Variants in CCDC180 observed in about 807,000 individuals in gnomAD.
CCDC180 encodes coiled-coil domain-containing protein 180.
CCDC180 carries 154 observed loss-of-function variants against 209.2 expected under a neutral mutation model. The ratio of observed to expected loss-of-function variants is 0.74; its 90% CI spans 0.65 to 0.84. The LOEUF (loss-of-function observed/expected upper bound fraction) is 0.84. Ranked by LOEUF, CCDC180 falls within the 40% of genes least tolerant of loss-of-function variation. The pLI is 0.00. For missense variants in CCDC180, 1,874 were observed against 1,997.3 expected (o/e 0.94, Z 1.18); for synonymous variants, 778 against 749.1 (o/e 1.04, Z -0.63).
At chr9:97,334,841 A>G (rs912186498) in intron 18 of CCDC180, among the ~76,000 whole-genome samples, 21 of 152,150 alleles carry the variant, frequency 1.4e-4, no homozygotes, top group Admixed American at 2.6e-4. Flanking sequence ...CAAAGGGTAG[A>G]ATTATGTACA....
Position 97,333,854 on chromosome 9 carries a change from T to G in CCDC180, c.2274+3087T>G, listed in dbSNP as rs1825825191. Among the ~76,000 whole-genome samples the G allele has an allele frequency of 3.9e-5, 6 of 151,982 alleles. No individual in the cohort carries two copies. In the South Asian group the frequency reaches 1.0e-3, roughly 26 times the overall value. ...TTTTTTTTTTGAGATGGAGTCTCAC[T>G]CTGTCACTCAGGCTGGAGTGCAGAG... On this transcript the variant is annotated intron_variant, in intron 18 of 36. Coordinates refer to ENST00000529487, the MANE Select transcript of CCDC180 (RefSeq NM_020893.6).
intron 18 of CCDC180, among the ~76,000 whole-genome samples, chr9:97,341,467 T>G (rs1826077379): frequency 1.3e-5 from 2 of 152,088 alleles, no homozygotes; most frequent in Admixed American, 6.5e-5. Flanking sequence ...TTGCTGGAGG[T>G]CCACTCCAGA....
chr9:97,374,720 G>C, intron 35 of CCDC180, 72 bp downstream of exon 35: 1 of 1,258,188 alleles, frequency 7.9e-7, no homozygotes, highest in Non-Finnish European at 1.1e-6. Flanking sequence ...GTAATGGTTA[G>C]GGGCTTGGAC....
intron 36 of CCDC180, chr9:97,375,872 G>A (rs987407824): frequency 9.4e-6 from 4 of 423,904 alleles, no homozygotes; most frequent in Non-Finnish European, 1.7e-5. Context: ...GCACAGTAGT[G>A]TCACAGCTAG....
chr9:97,341,162 C>T (rs979494326), intron 18 of CCDC180, among the ~76,000 whole-genome samples: 3 of 152,204 alleles, frequency 2.0e-5, no homozygotes, highest in African/African-American at 7.2e-5. Flanking sequence ...GGAGATGACT[C>T]ACACTCTTTA....
At chr9:97,356,875 A>G (rs573736597) in intron 24 of CCDC180, among the ~76,000 whole-genome samples, 17 of 152,340 alleles carry the variant, frequency 1.1e-4, no homozygotes, top group African/African-American at 3.4e-4. Context: ...TAAGATTTCA[A>G]TTTATTTTTT....
intron 35 of CCDC180, among the ~76,000 whole-genome samples, chr9:97,375,092 A>G (rs758226447): frequency 7.9e-5 from 12 of 152,188 alleles, no homozygotes; most frequent in South Asian, 4.1e-4. Context: ...TTGCCCAGCT[A>G]TGTTCTCAGA....
At chr9:97,334,857 G>A (rs556650301) in intron 18 of CCDC180, among the ~76,000 whole-genome samples, 24 of 151,972 alleles carry the variant, frequency 1.6e-4, no homozygotes, top group African/African-American at 3.9e-4. Context: ...GTACACCTCC[G>A]AAGCAACTCT....
At chr9:97,373,231 T>G (rs1219295452) in intron 34 of CCDC180, 1 of 152,232 alleles carries the variant, frequency 6.6e-6, no homozygotes, top group African/African-American at 2.4e-5. Flanking sequence ...TGCATATTAC[T>G]TTTATAAATA....
rs904106227 is a variant in CCDC180, at chr9:97,345,571, T to A, written c.2499-1743T>A. On this transcript the variant is annotated intron_variant, in intron 19 of 36. Transcript: ENST00000529487. ...TCTGGTCGATTTTCTGTCTTTTTTT[T>A]ATTAATTTATGGGAATTAATTATAT... is the stretch of plus-strand genomic sequence containing the variant. 1.1e-4 allele frequency: 48 copies of A among 421,282 alleles called. 1 individual carries two copies. Among genetic ancestry groups the A allele is most frequent in the East Asian group, 4.7e-4 (6 of 12,784 alleles). 26.1% of individuals were successfully genotyped at this position (421,282 alleles called of 1,614,324 possible).
chr9:97,366,687 C>T lies in CCDC180; in HGVS notation c.4176C>T (p.Asn1392=), dbSNP rs555712678. 1 of 1,614,118 alleles carries T rather than the reference C, an allele frequency of 6.2e-7. No homozygotes were observed. Among genetic ancestry groups the T allele is most frequent in the South Asian group, 1.1e-5 (1 of 91,062 alleles). The part of the protein sequence containing the change: ...EYQSQANKYH[N]SCLIELRIQI... ...AGAGCCAGGCAAATAAGTACCACAA[C>T]TCCTGCCTCATAGGTGAGTATAGGC... The change falls in exon 31 of 37, where the codon AAC becomes AAT. Residue 1392 remains asparagine (N), a synonymous_variant. Coordinates refer to ENST00000529487, the MANE Select transcript of CCDC180 (RefSeq NM_020893.6). The surrounding 1 kb of genome is among the most constrained non-coding windows in gnomAD (Gnocchi z 4.3).
intron 9 of CCDC180, 50 bp from the exon 10 acceptor site, chr9:97,318,413 T>A: frequency 1.2e-6 from 2 of 1,603,904 alleles, no homozygotes; most frequent in Non-Finnish European, 1.7e-6. Flanking sequence ...CTCTCACTCC[T>A]GCCCTGCTCC....
chr9:97,330,845 T>A (rs1825720960), intron 18 of CCDC180, 78 bp downstream of exon 18: 1 of 1,386,662 alleles, frequency 7.2e-7, no homozygotes, highest in South Asian at 1.3e-5. Context: ...TAGTGTAAGC[T>A]GGGGTCTTCA....
chr9:97,365,101 A>C (rs1826881299), intron 29 of CCDC180: 1 of 152,558 alleles, frequency 6.6e-6, no homozygotes, highest in Admixed American at 6.5e-5. Flanking sequence ...TAAGGTGTTT[A>C]TAGAAGGAAG....
At chr9:97,325,242 A>G (rs1279344665) in intron 14 of CCDC180, 50 bp downstream of exon 14, 3 of 1,528,934 alleles carry the variant, frequency 2.0e-6, no homozygotes, top group Admixed American at 2.0e-5. Flanking sequence ...ACAGCAATGA[A>G]CTCAAACAGA....
chr9:97,312,294 G>A (rs1833014922), intron 4 of CCDC180, 93 bp downstream of exon 4: 1 of 1,060,560 alleles, frequency 9.4e-7, no homozygotes, highest in African/African-American at 1.6e-5. Flanking sequence ...CTCCTCTGAG[G>A]AAGGCCCTGA....
Position 97,326,660 on chromosome 9 carries a change from T to A in CCDC180, c.1652T>A (p.Met551Lys). The A allele has an allele frequency of 6.2e-7, 1 of 1,606,732 alleles. No individual in the cohort carries two copies. The highest frequency in any genetic ancestry group is 8.5e-7 in the Non-Finnish European group (1 of 1,173,360). The change falls in exon 15 of 37, where the codon ATG (methionine) becomes AAG (lysine). Residue 551 changes from methionine to lysine, a missense_variant. Transcript: ENST00000529487. The part of the protein sequence containing the change: ...LEKVKDYLKN[M>K]KSRYECFHTL... ...AAGGTCAAAGATTATCTGAAGAACA[T>A]GAAATCCAGGTAGGCCAACCAGACT...
intron 22 of CCDC180, among the ~76,000 whole-genome samples, chr9:97,351,538 T>G (rs920470313): frequency 2.0e-5 from 3 of 152,366 alleles, no homozygotes; most frequent in African/African-American, 7.2e-5. Context: ...TATATTTATT[T>G]TTTAAGGCTT....
rs755186276 is a variant in CCDC180 at position 97,325,202 on chromosome 9, A to G, written c.1545+10A>G. The G allele has an allele frequency of 1.9e-6, 3 of 1,579,150 alleles. No homozygotes were observed. Among genetic ancestry groups the G allele is most frequent in the Non-Finnish European group, 2.6e-6 (3 of 1,161,766 alleles). Reference sequence around the variant, plus strand: ...CAGCCTGGAGAGCCAGGTGAGACCCACACCCGGGGCTCCATGTTTCACACC... The same window carrying G: ...CAGCCTGGAGAGCCAGGTGAGACCCGCACCCGGGGCTCCATGTTTCACACC... On this transcript the variant is annotated intron_variant, in intron 14 of 36. Transcript: ENST00000529487.
Sources: gnomAD v4.1 joint callset for allele counts (sites outside exome capture counted in the v4.1 genomes callset) on GRCh38, gnomAD v4.1.1 for gene constraint, Gnocchi (gnomAD v3.1) non-coding constraint, MANE v1.5 for transcripts, NCBI Gene and HGNC (gene_info 2026-07-23, HGNC 2026-07-21) for gene names.